The following SUCLG2 variants were observed in gnomAD, a reference collection of about 807,000 sequenced individuals.
SUCLG2 encodes the protein succinate--CoA ligase [GDP-forming] subunit beta, mitochondrial.
A neutral mutation model predicts 47.9 loss-of-function variants in SUCLG2; 42 were observed. The ratio of observed to expected loss-of-function variants is 0.88; its 90% CI spans 0.69 to 1.14. The LOEUF is 1.14. SUCLG2 is among the 50% of genes most tolerant of loss of function. SUCLG2 has a pLI of 0.00. For missense variants in SUCLG2, 571 were observed against 525.9 expected (o/e 1.09, Z -0.84); for synonymous variants, 195 against 197.3 (o/e 0.99, Z 0.10).
At chr3:67,613,677 T>G (rs1700573326) in intron 1 of SUCLG2, among the ~76,000 whole-genome samples, 1 of 152,222 alleles carries the variant, frequency 6.6e-6, no homozygotes, top group African/African-American at 2.4e-5. Context: ...GGGGGTTATT[T>G]GTTACTATTG....
chr3:67,517,082 A>G (rs1705964452), intron 6 of SUCLG2, among the ~76,000 whole-genome samples: 3 of 152,162 alleles, frequency 2.0e-5, no homozygotes, highest in African/African-American at 7.2e-5. Context: ...CTGTCCATCG[A>G]ATCCTGGCCC....
intron 10 of SUCLG2, among the ~76,000 whole-genome samples, chr3:67,377,879 C>T (rs1702068176): frequency 6.6e-6 from 1 of 152,154 alleles, no homozygotes; most frequent in African/African-American, 2.4e-5. Flanking sequence ...GTCCTGAACT[C>T]CTAAACTCAA....
chr3:67,473,124 T>A (rs1168588627), intron 9 of SUCLG2, among the ~76,000 whole-genome samples: 1 of 152,194 alleles, frequency 6.6e-6, no homozygotes, highest in African/African-American at 2.4e-5. Flanking sequence ...TGGAAGTAGA[T>A]AAGTCAAATT....
At chr3:67,576,800 G>T (rs1011850100) in intron 2 of SUCLG2, among the ~76,000 whole-genome samples, 2 of 152,176 alleles carry the variant, frequency 1.3e-5, no homozygotes, top group Non-Finnish European at 2.9e-5. Context: ...AAGTTGAGAA[G>T]ACAGAAAATA....
intron 6 of SUCLG2, among the ~76,000 whole-genome samples, chr3:67,515,088 A>G (rs756432421): frequency 7.2e-5 from 11 of 152,328 alleles, no homozygotes; most frequent in Non-Finnish European, 8.8e-5. Flanking sequence ...ATCATCTCAC[A>G]TCATCGCAAG....
At chr3:67,525,854 T>C (rs963101477) in intron 4 of SUCLG2, among the ~76,000 whole-genome samples, 2 of 152,230 alleles carry the variant, frequency 1.3e-5, no homozygotes, top group African/African-American at 4.8e-5. Context: ...ATACGTTATA[T>C]AGTGTAACAG....
chr3:67,480,501 T>G (rs1176299551), intron 9 of SUCLG2, among the ~76,000 whole-genome samples: 2 of 152,196 alleles, frequency 1.3e-5, no homozygotes, highest in African/African-American at 4.8e-5. Context: ...CATGGAAACC[T>G]AGGCTAGAGG....
rs1575749134 is a variant in SUCLG2, at chr3:67,517,684, CTGTTCTCAATAAAA to C, written c.660+549_660+562del. ...TATTACAAAATTGGCATATTTTAAG[CTGTTCTCAATAAAA>C]TATCAAGTTTATGCCATCAATATTC... On this transcript the variant is annotated intron_variant, in intron 6 of 10. Coordinates refer to ENST00000307227, the MANE Select transcript of SUCLG2 (RefSeq NM_003848.4). 2.0e-5 allele frequency among the ~76,000 whole-genome samples: 3 copies of C among 152,198 alleles called. No homozygotes were observed. In the East Asian group the frequency reaches 5.8e-4, roughly 29 times the overall value.
At chr3:67,511,253 C>T (rs545164345) in intron 6 of SUCLG2, among the ~76,000 whole-genome samples, 1 of 152,288 alleles carries the variant, frequency 6.6e-6, no homozygotes, top group African/African-American at 2.4e-5. Context: ...ATCAGAGACA[C>T]TATTTTCCAA....
At chr3:67,423,080 C>T (rs1282166247) in intron 9 of SUCLG2, among the ~76,000 whole-genome samples, 1 of 152,088 alleles carries the variant, frequency 6.6e-6, no homozygotes, top group Non-Finnish European at 1.5e-5. Flanking sequence ...CTCTGTGTCC[C>T]CACCCAAATC....
intron 2 of SUCLG2, among the ~76,000 whole-genome samples, chr3:67,539,977 T>C (rs1706656763): frequency 6.6e-6 from 1 of 152,014 alleles, no homozygotes; most frequent in Non-Finnish European, 1.5e-5. Context: ...TAGCAGACTA[T>C]CTATTTTGTT....
chr3:67,465,882 T>C (rs1704457165), intron 9 of SUCLG2, among the ~76,000 whole-genome samples: 1 of 152,098 alleles, frequency 6.6e-6, no homozygotes, highest in Non-Finnish European at 1.5e-5. Flanking sequence ...TTCCATGCCC[T>C]TCAGGCAGTT....
intron 6 of SUCLG2, among the ~76,000 whole-genome samples, chr3:67,510,927 T>C (rs1222708167): frequency 6.8e-6 from 1 of 146,410 alleles, no homozygotes; most frequent in Non-Finnish European, 1.5e-5. Flanking sequence ...AGACTTGCAG[T>C]GTTGCCAGCC....
intron 9 of SUCLG2, among the ~76,000 whole-genome samples, chr3:67,405,800 TCA>T (rs1702791848): frequency 6.6e-6 from 1 of 152,204 alleles, no homozygotes; most frequent in Admixed American, 6.5e-5. Context: ...TGAATAGCTA[TCA>T]CAAATACAAC....
At chr3:67,399,789 T>C (rs73098382) in intron 10 of SUCLG2, among the ~76,000 whole-genome samples, 5,831 of 152,262 alleles carry the variant, frequency 0.038, 206 homozygotes, top group Admixed American at 0.091. Context: ...TCGAGATAGT[T>C]CCAGATTCCA....
At chr3:67,588,153 T>C (rs2107271250) in intron 2 of SUCLG2, among the ~76,000 whole-genome samples, 1 of 152,364 alleles carries the variant, frequency 6.6e-6, no homozygotes, top group Middle Eastern at 3.4e-3. Context: ...CAGCTGCTTC[T>C]ATGTTACACA....
intron 7 of SUCLG2, among the ~76,000 whole-genome samples, chr3:67,502,552 C>A (rs1053436853): frequency 6.6e-6 from 1 of 152,176 alleles, no homozygotes; most frequent in South Asian, 2.1e-4. Context: ...GTATGCAAAG[C>A]GCTTAGCTTC....
At chr3:67,482,773 G>A (rs561954610) in intron 9 of SUCLG2, among the ~76,000 whole-genome samples, 15 of 152,296 alleles carry the variant, frequency 9.8e-5, no homozygotes, top group African/African-American at 3.6e-4. Context: ...CTCCCTCTCA[G>A]AGAAATGTGC....
At chr3:67,446,354 T>A (rs1484613752) in intron 9 of SUCLG2, among the ~76,000 whole-genome samples, 70 of 17,388 alleles carry the variant, frequency 4.0e-3, no homozygotes, top group Admixed American at 6.8e-3. Flanking sequence ...CATTTGTATA[T>A]AAAAAAAAAA....
Sources: allele counts gnomAD v4.1 joint callset (sites outside exome capture counted in the v4.1 genomes callset), GRCh38; gene constraint gnomAD v4.1.1; transcripts MANE v1.5; gene names NCBI Gene and HGNC (gene_info 2026-07-23, HGNC 2026-07-21).